DNAH12: variants seen among roughly 807,000 people sequenced by gnomAD.
DNAH12 encodes dynein axonemal heavy chain 12.
DNAH12 carries 285 observed loss-of-function variants against 371.5 expected under a neutral mutation model. That is an observed-to-expected ratio of 0.77 (90% CI 0.70 to 0.85). DNAH12 has a LOEUF of 0.85. Ranked by LOEUF, DNAH12 falls within the 40% of genes least tolerant of loss-of-function variation. The pLI, the probability that DNAH12 is intolerant of heterozygous loss-of-function variation, is 0.00. For synonymous variants in DNAH12, 1,200 were observed against 1,213.0 expected, an observed-to-expected ratio of 0.99 and a Z score of 0.22; for missense variants, 3,611 against 3,689.4, an observed-to-expected ratio of 0.98 and a Z score of 0.55.
intron 28 of DNAH12, 48 bp from the exon 29 acceptor site, chr3:57,444,864 C>A: frequency 6.6e-7 from 1 of 1,520,928 alleles, no homozygotes. Context: ...CCAGCAATTG[C>A]AACCCCACTT....
chr3:57,461,488 C>T lies in DNAH12; in HGVS notation c.2736+1G>A. 2 of 1,551,088 alleles carry T rather than the reference C, an allele frequency of 1.3e-6. No homozygotes were observed. The highest frequency in any genetic ancestry group is 1.7e-6 in the Non-Finnish European group (2 of 1,146,690). Reference sequence around the variant, plus strand: ...AGAGCTGATTATCACATTTAACATACCTTGATCTCATGTTCAAATGGTTTG... The same window carrying T: ...AGAGCTGATTATCACATTTAACATATCTTGATCTCATGTTCAAATGGTTTG... On this transcript the variant is annotated splice_donor_variant, in intron 19 of 73. Coordinates refer to ENST00000495027, the MANE Select transcript of DNAH12 (RefSeq NM_001366028.2). LOFTEE classifies it high-confidence loss of function.
At chr3:57,413,165 C>G (rs1323836287) in intron 39 of DNAH12, among the ~76,000 whole-genome samples, 2 of 152,022 alleles carry the variant, frequency 1.3e-5, no homozygotes, top group African/African-American at 2.4e-5. Flanking sequence ...ATGCATATTA[C>G]TAAATGAAAG....
At chr3:57,339,228 C>T (rs900046070) in intron 60 of DNAH12, among the ~76,000 whole-genome samples, 2 of 152,098 alleles carry the variant, frequency 1.3e-5, no homozygotes, top group Non-Finnish European at 2.9e-5. Context: ...TACCCAGGGA[C>T]ACAAACACTG....
chr3:57,407,084 A>T (rs564039650), intron 40 of DNAH12, among the ~76,000 whole-genome samples: 2 of 151,954 alleles, frequency 1.3e-5, no homozygotes, highest in African/African-American at 4.8e-5. Context: ...TTTTTAGTAG[A>T]GACAGGGTTT....
In DNAH12 at chr3:57,516,476, C is replaced by T. The variant is rs2068202356; in HGVS notation, c.280-5497G>A. ...GTCCTCTCCCTACTCCAGCTCTTCCCTCCTCTCTAGATGATCTTAATAATA... is the reference window on the plus strand; with the variant it reads ...GTCCTCTCCCTACTCCAGCTCTTCCTTCCTCTCTAGATGATCTTAATAATA... On this transcript the variant is annotated intron_variant, in intron 4 of 73. Coordinates refer to ENST00000495027, the MANE Select transcript of DNAH12 (RefSeq NM_001366028.2). Among the ~76,000 whole-genome samples, 4 of 152,176 alleles carry T rather than the reference C, an allele frequency of 2.6e-5. 1 individual carries two copies. In the South Asian group the frequency reaches 8.3e-4, roughly 32 times the overall value.
intron 28 of DNAH12, 85 bp from the exon 29 acceptor site, chr3:57,444,901 C>T: frequency 7.7e-7 from 1 of 1,300,986 alleles, no homozygotes; most frequent in Admixed American, 3.3e-5. Context: ...CCCCGGCCTG[C>T]CCCACCCCAC....
At chr3:57,459,849 G>A (rs2066005686) in intron 19 of DNAH12, 63 bp from the exon 20 acceptor site, 1 of 1,183,026 alleles carries the variant, frequency 8.5e-7, no homozygotes, top group Non-Finnish European at 1.1e-6. Flanking sequence ...ATTATAGCAA[G>A]GAAAATACAT....
intron 25 of DNAH12, among the ~76,000 whole-genome samples, chr3:57,447,136 C>T (rs567243962): frequency 3.9e-5 from 6 of 152,176 alleles, no homozygotes; most frequent in South Asian, 2.1e-4. Context: ...ATTTTGTCTA[C>T]GATTTGCCTG....
chr3:57,344,435 C>G (rs2062488329), intron 60 of DNAH12, among the ~76,000 whole-genome samples: 1 of 152,118 alleles, frequency 6.6e-6, no homozygotes, highest in Admixed American at 6.5e-5. Context: ...GATCCCACAA[C>G]CAGGCCTTTA....
At chr3:57,337,487 C>G (rs1338495042) in intron 60 of DNAH12, among the ~76,000 whole-genome samples, 3 of 152,136 alleles carry the variant, frequency 2.0e-5, no homozygotes, top group African/African-American at 7.2e-5. Flanking sequence ...TGGAGAAACC[C>G]TGTTTCTAAT....
At chr3:57,472,515 T>C in intron 14 of DNAH12, 31 bp downstream of exon 14, 3 of 1,527,130 alleles carry the variant, frequency 2.0e-6, no homozygotes, top group Non-Finnish European at 2.6e-6. Flanking sequence ...AATGTCAGAT[T>C]ACAAAAATAC....
chr3:57,371,754 G>T (rs2063175473), intron 55 of DNAH12, among the ~76,000 whole-genome samples: 1 of 141,194 alleles, frequency 7.1e-6, no homozygotes, highest in East Asian at 2.0e-4. Context: ...GAGAAAAATT[G>T]GAAAATTTCC....
At chr3:57,316,703 A>C (rs1181100308) in intron 65 of DNAH12, among the ~76,000 whole-genome samples, 6 of 152,146 alleles carry the variant, frequency 3.9e-5, no homozygotes, top group African/African-American at 1.4e-4. Flanking sequence ...TTTCCCCCAT[A>C]CTGTTCTTGT....
At position 57,471,483 on chromosome 3, in the gene DNAH12, G is replaced by A. The variant is rs935255737; in HGVS notation, c.1900C>T (p.Arg634Cys). Reference protein sequence around the residue: ...EEFTEFAELERMQQYVTDVRQ... With the variant: ...EEFTEFAELECMQQYVTDVRQ... Reference sequence around the variant, plus strand: ...TATATTTATCAGACCTGTTGCATGCGCTCCAGCTCTGCAAATTCTGTAAAC... The same window carrying A: ...TATATTTATCAGACCTGTTGCATGCACTCCAGCTCTGCAAATTCTGTAAAC... Residue 634 changes from arginine (R) to cysteine (C), a missense_variant, in exon 15 of 74, where the codon CGC becomes TGC. Arg to Cys is a radical substitution (Grantham distance 180). Around this residue, in one of 3 missense-constraint regions of DNAH12, gnomAD observed 1,314 missense variants for 1,398.7 expected, o/e 0.94. Transcript: ENST00000495027. 6 of 1,544,670 alleles carry A rather than the reference G, an allele frequency of 3.9e-6. No homozygotes were observed. The highest frequency in any genetic ancestry group is 2.8e-5 in the African/African-American group (2 of 72,572).
At chr3:57,329,650 G>T (rs1480914398) in intron 62 of DNAH12, among the ~76,000 whole-genome samples, 2 of 147,906 alleles carry the variant, frequency 1.4e-5, no homozygotes, top group Non-Finnish European at 3.0e-5. Flanking sequence ...ACATAGGCAT[G>T]GTCAAGGACT....
At chr3:57,327,145 G>A (rs1300969805) in intron 62 of DNAH12, among the ~76,000 whole-genome samples, 5 of 152,180 alleles carry the variant, frequency 3.3e-5, no homozygotes, top group Admixed American at 6.5e-5. Context: ...ACATTAGACA[G>A]ATCAACGAGA....
chr3:57,424,235 C>T (rs1447309819), intron 35 of DNAH12, among the ~76,000 whole-genome samples: 13 of 151,460 alleles, frequency 8.6e-5, no homozygotes, highest in African/African-American at 2.9e-4. Context: ...TTTGGGAGAC[C>T]GAGGTGGGCG....
intron 55 of DNAH12, among the ~76,000 whole-genome samples, chr3:57,368,991 G>A (rs1482753368): frequency 1.3e-5 from 2 of 151,874 alleles, no homozygotes; most frequent in Admixed American, 6.6e-5. Flanking sequence ...CAGATCACCC[G>A]ATGTCAGGAG....
Position 57,375,375 on chromosome 3 carries a change from G to A in DNAH12, c.8755C>T (p.Arg2919Cys), listed in dbSNP as rs904246617. The change falls in exon 55 of 74, where the codon CGT (arginine) becomes TGT (cysteine). Residue 2919 changes from arginine to cysteine, a missense_variant. Around this residue, in one of 3 missense-constraint regions of DNAH12, gnomAD observed 2,266 missense variants for 2,236.9 expected, o/e 1.01. Coordinates refer to ENST00000495027, the MANE Select transcript of DNAH12 (RefSeq NM_001366028.2). ...DNGVIVNNCR[R>C]WPLMIDPQGQ... ...CAAATAGTTTATATTTCTTACCAAC[G>A]CCTACAGTTGTTAACGATCACTCCG... 7.2e-5 allele frequency: 11 copies of A among 152,110 alleles called. No individual in the cohort carries two copies. The highest frequency in any genetic ancestry group is 5.2e-4 in the Admixed American group (8 of 15,270). 9.4% of individuals were successfully genotyped at this position (152,110 alleles called of 1,614,324 possible).
Sources: allele counts gnomAD v4.1 joint callset (sites outside exome capture counted in the v4.1 genomes callset), GRCh38; gene constraint gnomAD v4.1.1; regional missense constraint gnomAD v4.1.1; transcripts MANE v1.5; gene names NCBI Gene and HGNC (gene_info 2026-07-23, HGNC 2026-07-21).